Variants in FPGT observed in about 807,000 individuals in gnomAD.
FPGT encodes fucose-1-phosphate guanylyltransferase.
FPGT carries 41 observed loss-of-function variants against 45.8 expected under a neutral mutation model. That is an observed-to-expected ratio of 0.90 (90% CI 0.70 to 1.16). The LOEUF is 1.16. Ranked by LOEUF, FPGT falls within the 50% of genes most tolerant of loss-of-function variation. The pLI is 0.00. For missense variants in FPGT, 755 were observed against 689.1 expected (o/e 1.10, Z -1.07); for synonymous variants, 292 against 247.2 (o/e 1.18, Z -1.70).
chr1:74,205,515 C>G lies in FPGT; in HGVS notation c.1468C>G (p.Leu490Val), dbSNP rs746431924. 5.0e-6 allele frequency: 8 copies of G among 1,612,598 alleles called. No homozygotes were observed. The Admixed American group carries it at 5.0e-5, about 10-fold the overall frequency. The change falls in exon 4 of 4, where the codon CTT becomes GTT. Residue 490 changes from leucine (L) to valine (V), a missense_variant. Leu to Val is a conservative substitution (Grantham distance 32). Transcript: ENST00000370898. ...GAAAACATTGTCAGATATAAAGTTA[C>G]TTCAATTCTTTGGAGTCTGTTTCCT... ...SVKTLSDIKL[L>V]QFFGVCFLSC...
intron 2 of FPGT, among the ~76,000 whole-genome samples, chr1:74,200,097 A>G (rs1275711443): frequency 1.3e-5 from 2 of 152,230 alleles, no homozygotes; most frequent in South Asian, 2.1e-4. Context: ...CTATTCAGAT[A>G]GGAATACTCC....
chr1:74,199,663 G>C lies in FPGT; in HGVS notation c.83-1G>C, dbSNP rs1557669483. On this transcript the variant is annotated splice_acceptor_variant, in intron 1 of 3. Transcript: ENST00000370898. LOFTEE classifies it high-confidence loss of function. ...TTCATTTCCTTGCTTTTTCCAAATAGGCAAACTTGTAGCACGTGGAGAATT... is the reference window on the plus strand; with the variant it reads ...TTCATTTCCTTGCTTTTTCCAAATACGCAAACTTGTAGCACGTGGAGAATT... 1 of 1,602,584 alleles carries C rather than the reference G, an allele frequency of 6.2e-7. No homozygotes were observed. Among genetic ancestry groups the C allele is most frequent in the South Asian group, 1.1e-5 (1 of 88,198 alleles).
chr1:74,202,085 C>G (rs989844354), intron 3 of FPGT, among the ~76,000 whole-genome samples: 5 of 152,130 alleles, frequency 3.3e-5, no homozygotes, highest in Admixed American at 2.0e-4. Context: ...AAAGAGAAAT[C>G]ACACACACAA....
At chr1:74,203,163 C>T (rs1422711766) in intron 3 of FPGT, among the ~76,000 whole-genome samples, 1 of 152,130 alleles carries the variant, frequency 6.6e-6, no homozygotes, top group Non-Finnish European at 1.5e-5. Flanking sequence ...AGTAAACTGG[C>T]AGCACAGCAG....
At chr1:74,198,486 G>T in intron 1 of FPGT, 126 bp downstream of exon 1, 2 of 1,324,890 alleles carry the variant, frequency 1.5e-6, no homozygotes, top group Non-Finnish European at 2.1e-6. Context: ...CGCTCCCCAG[G>T]AGTAGCTAGC....
chr1:74,205,515 C>T lies in FPGT; in HGVS notation c.1468C>T (p.Leu490Phe). 6.2e-7 allele frequency: 1 copy of T among 1,612,716 alleles called. No individual in the cohort carries two copies. Among genetic ancestry groups the T allele is most frequent in the Non-Finnish European group, 8.5e-7 (1 of 1,178,754 alleles). The change falls in exon 4 of 4, where the codon CTT (leucine) becomes TTT (phenylalanine). Residue 490 changes from leucine (L) to phenylalanine (F), a missense_variant. By Grantham distance (22) the Leu-to-Phe change is conservative. Transcript: ENST00000370898. The stretch of plus-strand genomic sequence containing the variant: ...GAAAACATTGTCAGATATAAAGTTA[C>T]TTCAATTCTTTGGAGTCTGTTTCCT... Reference protein sequence around the residue: ...SVKTLSDIKLLQFFGVCFLSC... With the variant: ...SVKTLSDIKLFQFFGVCFLSC...
Position 74,205,328 on chromosome 1 carries a change from T to C in FPGT, c.1281T>C (p.Asp427=). Residue 427 remains aspartate (D), a synonymous_variant, in exon 4 of 4, where the codon GAT becomes GAC. Transcript: ENST00000370898. ...TGGAGTATTCCAGATTGGGGCCTGA[T>C]GTTTCAGTTGGGGAAAACTGCATTA... is the stretch of plus-strand genomic sequence containing the variant. ...SVVEYSRLGP[D]VSVGENCIIS... 6.2e-7 allele frequency: 1 copy of C among 1,614,166 alleles called. No homozygotes were observed. Among genetic ancestry groups the C allele is most frequent in the South Asian group, 1.1e-5 (1 of 91,084 alleles).
rs145732951 is a variant in FPGT at position 74,207,451 on chromosome 1, A to G, written c.*1619A>G. On this transcript the variant is annotated 3_prime_UTR_variant, in exon 4 of 4. Coordinates refer to ENST00000370898, the MANE Select transcript of FPGT (RefSeq NM_003838.5). Reference sequence around the variant, plus strand: ...TACCATCTTCTCTGCTTTCAGAATTATTGGTAAGGCTGCATTTCCTGAGTG... The same window carrying G: ...TACCATCTTCTCTGCTTTCAGAATTGTTGGTAAGGCTGCATTTCCTGAGTG... Among the ~76,000 whole-genome samples the G allele has an allele frequency of 2.6e-5, 4 of 152,144 alleles. No homozygotes were observed. The highest frequency in any genetic ancestry group is 9.6e-5 in the African/African-American group (4 of 41,544).
chr1:74,198,306 G>A lies in FPGT; in HGVS notation c.28G>A (p.Val10Ile). 1 of 1,614,178 alleles carries A rather than the reference G, an allele frequency of 6.2e-7. No individual in the cohort carries two copies. Among genetic ancestry groups the A allele is most frequent in the Non-Finnish European group, 8.5e-7 (1 of 1,180,032 alleles). MAAARDPPE[V>I]SLREATQRKL... Reference sequence around the variant, plus strand: ...GGCAGCTGCTAGGGACCCTCCGGAAGTATCGCTGCGAGAAGCCACCCAGCG... The same window carrying A: ...GGCAGCTGCTAGGGACCCTCCGGAAATATCGCTGCGAGAAGCCACCCAGCG... The change falls in exon 1 of 4, where the codon GTA becomes ATA. Residue 10 changes from valine to isoleucine, a missense_variant. Val to Ile is a conservative substitution (Grantham distance 29, BLOSUM62 3). Coordinates refer to ENST00000370898, the MANE Select transcript of FPGT (RefSeq NM_003838.5).
Position 74,199,593 on chromosome 1 carries a change from A to G in FPGT, c.83-71A>G, listed in dbSNP as rs1049823471. 4 of 1,518,106 alleles carry G rather than the reference A, an allele frequency of 2.6e-6. No individual in the cohort carries two copies. In the African/African-American group the frequency reaches 5.6e-5, roughly 21 times the overall value. 94.0% of individuals were successfully genotyped at this position (1,518,106 alleles called of 1,614,324 possible). A position where few individuals can be genotyped will look rare whatever the true frequency, so the allele number is the denominator to read the frequency against. On this transcript the variant is annotated intron_variant, in intron 1 of 3. Transcript: ENST00000370898. ...TATTACCTTCTTTATCATCTTTCTC[A>G]ATAGGCAAACCTGTGGCAACTAGAA...
At chr1:74,199,590 C>G in intron 1 of FPGT, 74 bp from the exon 2 acceptor site, 1 of 1,504,840 alleles carries the variant, frequency 6.6e-7, no homozygotes, top group Non-Finnish European at 9.0e-7. Flanking sequence ...TATCATCTTT[C>G]TCAATAGGCA....
chr1:74,208,548 A>G lies in FPGT; in HGVS notation c.*2716A>G, dbSNP rs891518029. 6.6e-6 allele frequency among the ~76,000 whole-genome samples: 1 copy of G among 152,086 alleles called. No individual in the cohort carries two copies. Among genetic ancestry groups the G allele is most frequent in the Non-Finnish European group, 1.5e-5 (1 of 67,980 alleles). Reference sequence around the variant, plus strand: ...CTGCTATTTGTAACTATAATCCATAAACTTATTGATGATTTAATAACTATC... The same window carrying G: ...CTGCTATTTGTAACTATAATCCATAGACTTATTGATGATTTAATAACTATC... On this transcript the variant is annotated 3_prime_UTR_variant, in exon 4 of 4. Coordinates refer to ENST00000370898, the MANE Select transcript of FPGT (RefSeq NM_003838.5).
rs985561787 is a variant in FPGT at position 74,205,858 on chromosome 1, G to T, written c.*26G>T. The T allele has an allele frequency of 7.5e-7, 1 of 1,325,814 alleles. No individual in the cohort carries two copies. Among genetic ancestry groups the T allele is most frequent in the Non-Finnish European group, 1.0e-6 (1 of 955,802 alleles). 82.1% of individuals were successfully genotyped at this position (1,325,814 alleles called of 1,614,324 possible). A position where few individuals can be genotyped will look rare whatever the true frequency, so the allele number is the denominator to read the frequency against. ...AGATATTTTAAATATTGTACACTTT[G>T]CCTTTTTGAGTAACATTCCAGAGAT... On this transcript the variant is annotated 3_prime_UTR_variant, in exon 4 of 4. Transcript: ENST00000370898.
Position 74,205,677 on chromosome 1 carries a change from A to T in FPGT, c.1630A>T (p.Met544Leu). The T allele has an allele frequency of 6.2e-7, 1 of 1,612,696 alleles. No individual in the cohort carries two copies. The highest frequency in any genetic ancestry group is 1.7e-4 in the Middle Eastern group (1 of 6,056). The change falls in exon 4 of 4, where the codon ATG (methionine) becomes TTG (leucine). Residue 544 changes from methionine (M) to leucine (L), a missense_variant. By Grantham distance (15) the Met-to-Leu change is conservative. Transcript: ENST00000370898. ...TGACTCAGTTATAACATCCCTAAAG[A>T]TGTTAAATGCTGTTAAGAACAAGTC... is the stretch of plus-strand genomic sequence containing the variant. ...LSDSVITSLK[M>L]LNAVKNKSAF...
In FPGT at chr1:74,199,747, C is replaced by T. The variant is rs750779015; in HGVS notation, c.166C>T (p.Gln56Ter). ...AAAACAGGAACTTGCTTACAACCAA[C>T]AGCTGTCAGAAAAGCTGAAAAGAAA... ...DEKQELAYNQ[Q>*]LSEKLKRKEL... The change falls in exon 2 of 4, where the codon CAG (glutamine) becomes TAG (stop). Residue 56 changes from glutamine (Q) to a stop codon, truncating the protein, a stop_gained. Transcript: ENST00000370898. LOFTEE classifies it high-confidence loss of function. 6 of 1,614,140 alleles carry T rather than the reference C, an allele frequency of 3.7e-6. No individual in the cohort carries two copies. Among genetic ancestry groups the T allele is most frequent in the Non-Finnish European group, 5.1e-6 (6 of 1,180,016 alleles).
intron 3 of FPGT, among the ~76,000 whole-genome samples, chr1:74,203,701 T>C (rs893194652): frequency 6.6e-6 from 1 of 152,024 alleles, no homozygotes; most frequent in Non-Finnish European, 1.5e-5. Flanking sequence ...TTCTGTGAAG[T>C]AGATTCTTAA....
intron 2 of FPGT, 26 bp downstream of exon 2, chr1:74,199,857 A>G: frequency 6.2e-7 from 1 of 1,610,812 alleles, no homozygotes; most frequent in Non-Finnish European, 8.5e-7. Context: ...TCAGTTTTAT[A>G]ATATAGGTCC....
At chr1:74,201,236 A>C in intron 2 of FPGT, 82 bp from the exon 3 acceptor site, 1 of 1,148,306 alleles carries the variant, frequency 8.7e-7, no homozygotes, top group Non-Finnish European at 1.3e-6. Context: ...TTAAGGTTAT[A>C]TAACACCTAA....
intron 3 of FPGT, among the ~76,000 whole-genome samples, chr1:74,201,908 A>G (rs993598192): frequency 5.3e-5 from 8 of 152,116 alleles, no homozygotes; most frequent in African/African-American, 1.7e-4. Flanking sequence ...TTCTCCCTTA[A>G]TGGGGATTCT....
Sources: allele counts gnomAD v4.1 joint callset (sites outside exome capture counted in the v4.1 genomes callset), GRCh38; gene constraint gnomAD v4.1.1; transcripts MANE v1.5; gene names NCBI Gene and HGNC (gene_info 2026-07-23, HGNC 2026-07-21).